The following TTC7B variants were observed in gnomAD, a reference collection of about 807,000 sequenced individuals.
The protein encoded by TTC7B is tetratricopeptide repeat domain 7B.
TTC7B carries 28 observed loss-of-function variants against 106.8 expected under a neutral mutation model. The observed-to-expected ratio is 0.26, with a 90% CI of 0.19 to 0.36. TTC7B has a LOEUF of 0.36. Ranked by LOEUF, TTC7B falls within the 10% of genes least tolerant of loss-of-function variation. The probability of loss-of-function intolerance (pLI) is 1.00; values close to 1 mark genes in which losing one functional copy is unlikely to be tolerated. For missense variants in TTC7B, 862 were observed against 1,076.4 expected, an observed-to-expected ratio of 0.80 and a Z score of 2.79; for synonymous variants, 405 against 430.6, an observed-to-expected ratio of 0.94 and a Z score of 0.74.
rs1209610844 is a variant in TTC7B, at chr14:90,608,878, G to GA, written c.1966+1863dup. 6.6e-6 allele frequency among the ~76,000 whole-genome samples: 1 copy of GA among 152,220 alleles called. No individual in the cohort carries two copies. The highest frequency in any genetic ancestry group is 1.9e-4 in the East Asian group (1 of 5,200). ...AATTAAGGTCCAGGCCAGCTGGAAG[G>GA]AAAGGGGGTCTGAATTTAGTGTGGC... On this transcript the variant is annotated intron_variant, in intron 17 of 19. Coordinates refer to ENST00000328459, the MANE Select transcript of TTC7B (RefSeq NM_001010854.2). This position sits in a 1 kb window ranked among gnomAD's most constrained non-coding sequence, Gnocchi z 5.1.
At position 90,575,070 on chromosome 14, in the gene TTC7B, G is replaced by A. The variant is rs77802932; in HGVS notation, c.2310+3036C>T. ...CTCAGCTCTGTTTCCGCCACTCTCCGCCACACAGGTCGGGGCCCTGCCTCC... is the reference window on the plus strand; with the variant it reads ...CTCAGCTCTGTTTCCGCCACTCTCCACCACACAGGTCGGGGCCCTGCCTCC... On this transcript the variant is annotated intron_variant, in intron 19 of 19. Transcript: ENST00000328459. The surrounding 1 kb of genome is among the most constrained non-coding windows in gnomAD (Gnocchi z 5.2). 6.6e-6 allele frequency among the ~76,000 whole-genome samples: 1 copy of A among 152,090 alleles called. No individual in the cohort carries two copies.
In TTC7B at chr14:90,757,084, A is replaced by G. The variant is rs1890328466; in HGVS notation, c.446-12162T>C. Among the ~76,000 whole-genome samples the G allele has an allele frequency of 6.6e-6, 1 of 152,140 alleles. No homozygotes were observed. The highest frequency in any genetic ancestry group is 2.1e-4 in the South Asian group (1 of 4,826). ...GAGTCAGAGACAAACAGTTAGCAGAAGGCTTAACGTGGTGGATCTCCACCA... is the reference window on the plus strand; with the variant it reads ...GAGTCAGAGACAAACAGTTAGCAGAGGGCTTAACGTGGTGGATCTCCACCA... On this transcript the variant is annotated intron_variant, in intron 3 of 19. Transcript: ENST00000328459. This position sits in a 1 kb window ranked among gnomAD's most constrained non-coding sequence, Gnocchi z 4.1.
intron 1 of TTC7B, among the ~76,000 whole-genome samples, chr14:90,815,515 C>T (rs554094217): frequency 1.4e-4 from 21 of 152,052 alleles, no homozygotes; most frequent in Admixed American, 6.6e-4. Context: ...TATTCTCCCT[C>T]CAGGTCCCCC....
chr14:90,608,576 T>C lies in TTC7B; in HGVS notation c.1966+2166A>G, dbSNP rs1452962480. Among the ~76,000 whole-genome samples, 6 of 151,548 alleles carry C rather than the reference T, an allele frequency of 4.0e-5. No homozygotes were observed. The highest frequency in any genetic ancestry group is 8.9e-5 in the Non-Finnish European group (6 of 67,796). On this transcript the variant is annotated intron_variant, in intron 17 of 19. Transcript: ENST00000328459. This position sits in a 1 kb window ranked among gnomAD's most constrained non-coding sequence, Gnocchi z 5.1. Reference sequence around the variant, plus strand: ...GTGAATGGTGGCCCACCCGAGAGACTGGCTGCATCAGTACCACTAAGCAGA... The same window carrying C: ...GTGAATGGTGGCCCACCCGAGAGACCGGCTGCATCAGTACCACTAAGCAGA...
In TTC7B at chr14:90,536,458, T is replaced by G. The variant is rs1055127061; in HGVS notation, c.*4910A>C. The G allele has an allele frequency of 8.5e-5, 13 of 152,476 alleles. No individual in the cohort carries two copies. The highest frequency in any genetic ancestry group is 3.1e-4 in the African/African-American group (13 of 41,454). The allele number at this position is 152,476 out of a possible 1,614,324, so 9.4% of individuals were successfully genotyped here. Reference sequence around the variant, plus strand: ...CCCCCTCAGAGGCTCCACAGGCATTTTGTATTCAACCTGCCTGAAAGCAGA... The same window carrying G: ...CCCCCTCAGAGGCTCCACAGGCATTGTGTATTCAACCTGCCTGAAAGCAGA... On this transcript the variant is annotated 3_prime_UTR_variant, in exon 20 of 20. Coordinates refer to ENST00000328459, the MANE Select transcript of TTC7B (RefSeq NM_001010854.2).
intron 5 of TTC7B, among the ~76,000 whole-genome samples, chr14:90,722,657 C>T (rs1222331959): frequency 1.3e-5 from 2 of 152,202 alleles, no homozygotes; most frequent in East Asian, 3.8e-4. Context: ...TTCCCCTGTC[C>T]AGCTTCTGCT....
rs74948245 is a variant in TTC7B, at chr14:90,721,983, G to A, written c.698+8092C>T. 2.3e-4 allele frequency among the ~76,000 whole-genome samples: 35 copies of A among 152,318 alleles called. 1 individual carries two copies. The highest frequency in any genetic ancestry group is 3.4e-3 in the Middle Eastern group (1 of 294). On this transcript the variant is annotated intron_variant, in intron 5 of 19. Transcript: ENST00000328459. ...TCTCTAACAGCTGTTGGAGCTTCCG[G>A]ATTTTCCGAATAGAAACTGCACCAT...
rs1889536559 is a variant in TTC7B at position 90,540,476 on chromosome 14, G to T, written c.*892C>A. 6.5e-6 allele frequency: 1 copy of T among 153,526 alleles called. No individual in the cohort carries two copies. The highest frequency in any genetic ancestry group is 2.4e-5 in the African/African-American group (1 of 41,426). The allele number at this position is 153,526 out of a possible 1,614,324, so 9.5% of individuals were successfully genotyped here. On this transcript the variant is annotated 3_prime_UTR_variant, in exon 20 of 20. Transcript: ENST00000328459. ...GGGGAAAGAGAGGCTGGGCTTTCTA[G>T]TGTCAAGGGCTGACATGTCCAGAGT... is the stretch of plus-strand genomic sequence containing the variant.
chr14:90,602,912 G>A (rs959773541), intron 17 of TTC7B, among the ~76,000 whole-genome samples: 3 of 152,112 alleles, frequency 2.0e-5, no homozygotes, highest in Admixed American at 1.3e-4. Context: ...CTGGCCACCC[G>A]CCTTGGGAAG....
chr14:90,729,966 G>T, intron 5 of TTC7B, 109 bp downstream of exon 5: 5 of 1,204,942 alleles, frequency 4.1e-6, no homozygotes, highest in Non-Finnish European at 5.6e-6. Flanking sequence ...TCCAATGGTA[G>T]TTCATATTTA....
intron 17 of TTC7B, among the ~76,000 whole-genome samples, chr14:90,598,376 G>C (rs1329817083): frequency 6.6e-6 from 1 of 152,148 alleles, no homozygotes; most frequent in Non-Finnish European, 1.5e-5. Flanking sequence ...TGTTATCTTG[G>C]ACACCTGATA....
chr14:90,561,089 A>G (rs1890557063), intron 19 of TTC7B, among the ~76,000 whole-genome samples: 1 of 152,206 alleles, frequency 6.6e-6, no homozygotes, highest in African/African-American at 2.4e-5. Flanking sequence ...TTCTGGCCCC[A>G]TGCATCTGTG....
At position 90,744,843 on chromosome 14, in the gene TTC7B, A is replaced by G; in HGVS notation, c.525T>C (p.Cys175=). Residue 175 remains cysteine (C), a synonymous_variant, in exon 4 of 20, where the codon TGT becomes TGC. Transcript: ENST00000328459. ...GTGCGATGTCCCCTGCTTTCTCATA[A>G]CAGGTGATGACATCCTGTTCCCGGT... ...HVDREQDVIT[C]YEKAGDIALL... The G allele has an allele frequency of 6.2e-7, 1 of 1,614,052 alleles. No homozygotes were observed. Among genetic ancestry groups the G allele is most frequent in the Non-Finnish European group, 8.5e-7 (1 of 1,179,924 alleles).
At chr14:90,652,273 T>G (rs1373559537) in intron 13 of TTC7B, among the ~76,000 whole-genome samples, 1 of 151,864 alleles carries the variant, frequency 6.6e-6, no homozygotes, top group Non-Finnish European at 1.5e-5. Context: ...ATAAGGGATG[T>G]GAAGGCACGC....
intron 5 of TTC7B, among the ~76,000 whole-genome samples, chr14:90,705,299 C>T (rs1010771072): frequency 6.6e-6 from 1 of 152,154 alleles, no homozygotes; most frequent in African/African-American, 2.4e-5. Flanking sequence ...CATGCCATTC[C>T]CCAACTCATT....
Position 90,591,700 on chromosome 14 carries a change from C to T in TTC7B, c.2107+1786G>A, listed in dbSNP as rs189664073. Among the ~76,000 whole-genome samples the T allele has an allele frequency of 1.1e-4, 16 of 152,364 alleles. No individual in the cohort carries two copies. In the East Asian group the frequency reaches 2.7e-3, roughly 26 times the overall value. ...AATTTAAAAGGCAACTCTGCCCCTA[C>T]ACCAGCCCCACAAGTTCAGGTTTAC... On this transcript the variant is annotated intron_variant, in intron 18 of 19. Transcript: ENST00000328459.
intron 5 of TTC7B, among the ~76,000 whole-genome samples, chr14:90,718,667 G>A (rs569857274): frequency 5.2e-4 from 79 of 152,122 alleles, no homozygotes; most frequent in African/African-American, 1.2e-3. Flanking sequence ...AACGTGCACA[G>A]GTGTTACATC....
At chr14:90,591,692 T>C (rs895379959) in intron 18 of TTC7B, among the ~76,000 whole-genome samples, 1 of 152,248 alleles carries the variant, frequency 6.6e-6, no homozygotes, top group African/African-American at 2.4e-5. Context: ...AAGGCAACTC[T>C]GCCCCTACAC....
chr14:90,706,468 A>C (rs1165950059), intron 5 of TTC7B, among the ~76,000 whole-genome samples: 1 of 152,090 alleles, frequency 6.6e-6, no homozygotes, highest in East Asian at 1.9e-4. Flanking sequence ...CAGCCCTGGA[A>C]TAATTTTTAT....
Sources: gnomAD v4.1 joint callset for allele counts (sites outside exome capture counted in the v4.1 genomes callset) on GRCh38, gnomAD v4.1.1 for gene constraint, Gnocchi (gnomAD v3.1) non-coding constraint, MANE v1.5 for transcripts, NCBI Gene and HGNC (gene_info 2026-07-23, HGNC 2026-07-21) for gene names.